The following HM13 variants were observed in gnomAD, a reference collection of about 807,000 sequenced individuals.
HM13 encodes the protein histocompatibility minor 13, also known as signal peptide peptidase.
A neutral mutation model predicts 50.0 loss-of-function variants in HM13; 18 were observed. That is an observed-to-expected ratio of 0.36 (90% confidence interval 0.25 to 0.53). HM13 has a LOEUF of 0.53. Among genes scored for constraint, HM13 ranks in the 20% least tolerant of loss-of-function variants. The pLI is 0.90. For synonymous variants in HM13, 197 were observed against 232.6 expected (o/e 0.85, Z 1.39); for missense variants, 393 against 552.4 (o/e 0.71, Z 2.89).
intron 1 of HM13, among the ~76,000 whole-genome samples, chr20:31,515,790 C>G (rs1239493118): frequency 6.6e-6 from 1 of 152,196 alleles, no homozygotes; most frequent in Non-Finnish European, 1.5e-5. Context: ...TGACTTTTCA[C>G]TTCCTGGCAC....
intron 3 of HM13, among the ~76,000 whole-genome samples, chr20:31,542,055 C>T (rs1171163527): frequency 1.3e-5 from 2 of 152,214 alleles, no homozygotes; most frequent in Admixed American, 6.5e-5. Context: ...CAAGGACTGG[C>T]AGAGGAGAGG....
In HM13 at chr20:31,569,215, A is replaced by G. The variant is rs1356234100; in HGVS notation, c.1277A>G (p.Lys426Arg). The change falls in exon 13 of 13, where the codon AAA becomes AGA. Residue 426 changes from lysine to arginine, a missense_variant. Lys to Arg is a conservative substitution (Grantham distance 26). Coordinates refer to ENST00000398174, the MANE Select transcript of HM13 (RefSeq NM_178581.3). Reference protein sequence around the residue: ...SASKGLEKKEK With the variant: ...SASKGLEKKER ...TCGAAGGGGCTGGAGAAGAAAGAGA[A>G]ATGATGCAGCTGGTGCCCGAGCCTC... The G allele has an allele frequency of 4.4e-6, 7 of 1,584,342 alleles. No homozygotes were observed. The Admixed American group carries it at 5.3e-5, about 12-fold the overall frequency.
At chr20:31,558,468 A>G (rs1040934240) in intron 8 of HM13, among the ~76,000 whole-genome samples, 2 of 152,146 alleles carry the variant, frequency 1.3e-5, no homozygotes, top group Non-Finnish European at 2.9e-5. Flanking sequence ...TCCTGCCAGT[A>G]GGCAAGCTGC....
At chr20:31,547,611 T>G (rs1191444728) in intron 4 of HM13, 6 of 1,575,124 alleles carry the variant, frequency 3.8e-6, no homozygotes, top group Non-Finnish European at 5.2e-6. Flanking sequence ...TTCCAGGTAT[T>G]GAACCATGGC....
At chr20:31,546,198 C>T (rs1305582268) in intron 4 of HM13, among the ~76,000 whole-genome samples, 1 of 151,870 alleles carries the variant, frequency 6.6e-6, no homozygotes, top group Non-Finnish European at 1.5e-5. Context: ...TACAGGCGCC[C>T]GCCACTACGC....
chr20:31,531,176 C>A (rs1043692888), intron 2 of HM13, among the ~76,000 whole-genome samples: 1 of 151,512 alleles, frequency 6.6e-6, no homozygotes, highest in African/African-American at 2.4e-5. Context: ...TCCCAAGTAG[C>A]TAGGATTACA....
chr20:31,558,964 G>A (rs187370897), intron 8 of HM13, among the ~76,000 whole-genome samples: 1 of 152,222 alleles, frequency 6.6e-6, no homozygotes, highest in East Asian at 1.9e-4. Context: ...GTGTCACCAG[G>A]CTGGAATGCA....
intron 9 of HM13, among the ~76,000 whole-genome samples, chr20:31,560,218 T>TG (rs2122652512): frequency 6.6e-6 from 1 of 152,310 alleles, no homozygotes; most frequent in Admixed American, 6.5e-5. Context: ...AGAAAGGTCT[T>TG]ATCCAAGTTA....
At chr20:31,542,689 T>C (rs1362139485) in intron 3 of HM13, among the ~76,000 whole-genome samples, 1 of 152,220 alleles carries the variant, frequency 6.6e-6, no homozygotes, top group African/African-American at 2.4e-5. Flanking sequence ...TGTGTAGTGC[T>C]AAGCAGCCTC....
At chr20:31,535,870 G>A (rs1983075347) in intron 2 of HM13, among the ~76,000 whole-genome samples, 1 of 152,168 alleles carries the variant, frequency 6.6e-6, no homozygotes. Flanking sequence ...TGCTGTTAAG[G>A]CGAGGTCCAT....
intron 1 of HM13, among the ~76,000 whole-genome samples, chr20:31,521,873 T>A (rs1228240240): frequency 6.7e-6 from 1 of 148,598 alleles, no homozygotes; most frequent in Non-Finnish European, 1.5e-5. Context: ...TTTTTTTTTT[T>A]AATGGAGGCA....
intron 9 of HM13, among the ~76,000 whole-genome samples, chr20:31,560,848 C>A (rs1568799453): frequency 6.6e-6 from 1 of 152,210 alleles, no homozygotes; most frequent in African/African-American, 2.4e-5. Context: ...TAGAAGCACC[C>A]AGGACAAGGA....
intron 3 of HM13, 196 bp downstream of exon 3, chr20:31,538,457 A>T (rs749222867): frequency 2.0e-5 from 28 of 1,429,054 alleles, no homozygotes; most frequent in Non-Finnish European, 2.6e-5. Flanking sequence ...CAGTTTCCTT[A>T]TAGACATGAT....
chr20:31,522,462 C>T (rs1019254188), intron 1 of HM13, among the ~76,000 whole-genome samples: 12 of 151,290 alleles, frequency 7.9e-5, no homozygotes, highest in Non-Finnish European at 1.3e-4. Flanking sequence ...CTCAGGAGGC[C>T]GAGGCAGAGA....
At chr20:31,533,734 C>T (rs771778050) in intron 2 of HM13, among the ~76,000 whole-genome samples, 1 of 152,094 alleles carries the variant, frequency 6.6e-6, no homozygotes, top group South Asian at 2.1e-4. Context: ...GGCACTTGGC[C>T]GTGGGTCTCC....
chr20:31,527,720 G>A (rs45565536), intron 2 of HM13, 138 bp downstream of exon 2: 13,359 of 634,766 alleles, frequency 0.021, 198 homozygotes, highest in Non-Finnish European at 0.029. Flanking sequence ...TTCACCCATA[G>A]ACCTACCCAA....
At chr20:31,532,209 G>A (rs937985411) in intron 2 of HM13, among the ~76,000 whole-genome samples, 5 of 151,680 alleles carry the variant, frequency 3.3e-5, no homozygotes, top group Admixed American at 1.3e-4. Context: ...GGTGTATCAC[G>A]AGGTCAGGAG....
rs766167032 is a variant in HM13 at position 31,568,131 on chromosome 20, CCA to C, written c.1091_1092del (p.Thr364SerfsTer32). ...CATACCCCGAGGCTCACCCACTTCCCCACAGTCTCGGGCTCCCCAGCCAGCCT... is the reference window on the plus strand; with the variant it reads ...CATACCCCGAGGCTCACCCACTTCCCCAGTCTCGGGCTCCCCAGCCAGCCT... On this transcript the variant is annotated frameshift_variant, in exon 12 of 13. Transcript: ENST00000398174. LOFTEE classifies it high-confidence loss of function. The C allele has an allele frequency of 3.7e-6, 6 of 1,613,300 alleles. No homozygotes were observed. The South Asian group carries it at 6.6e-5, about 18-fold the overall frequency.
At chr20:31,556,103 C>G (rs1361948424) in intron 8 of HM13, among the ~76,000 whole-genome samples, 1 of 150,132 alleles carries the variant, frequency 6.7e-6, no homozygotes, top group African/African-American at 2.5e-5. Flanking sequence ...GCGATCTCGG[C>G]TCACTGCAAC....
Sources: gnomAD v4.1 joint callset for allele counts (sites outside exome capture counted in the v4.1 genomes callset) on GRCh38, gnomAD v4.1.1 for gene constraint, MANE v1.5 for transcripts, NCBI Gene and HGNC (gene_info 2026-07-23, HGNC 2026-07-21) for gene names.